The following FCRL1 variants were observed in gnomAD, a reference collection of about 807,000 sequenced individuals.
The protein encoded by FCRL1 is Fc receptor like 1, also known as Fc receptor-like protein 1.
A neutral mutation model predicts 49.2 loss-of-function variants in FCRL1; 34 were observed. That is an observed-to-expected ratio of 0.69 (90% CI 0.53 to 0.92). The LOEUF (loss-of-function observed/expected upper bound fraction) is 0.92. FCRL1 is among the 40% of genes least tolerant of loss of function. The pLI is 0.00. For synonymous variants in FCRL1, 218 were observed against 201.6 expected (o/e 1.08, Z -0.69); for missense variants, 524 against 524.1 (o/e 1.00, Z 0.00).
intron 5 of FCRL1, 48 bp downstream of exon 5, chr1:157,801,867 G>T (rs377635618): frequency 5.9e-5 from 92 of 1,560,854 alleles, no homozygotes; most frequent in Non-Finnish European, 7.9e-5. Context: ...CTCCCAGGAC[G>T]CTGGGAAGGA....
At position 157,804,252 on chromosome 1, in the gene FCRL1, C is replaced by A. The variant is rs539937896; in HGVS notation, c.53-141G>T. The A allele has an allele frequency of 6.1e-5, 57 of 940,768 alleles. 1 individual carries two copies. Among genetic ancestry groups the A allele is most frequent in the East Asian group, 2.1e-4 (8 of 37,934 alleles). The allele number at this position is 940,768 out of a possible 1,614,324, so 58.3% of individuals were successfully genotyped here. Reference sequence around the variant, plus strand: ...GGCCACCCTACATGTCTCCACCCCCCCCCCAGTGGCCCATGGGCTTTCCTT... The same window carrying A: ...GGCCACCCTACATGTCTCCACCCCCACCCCAGTGGCCCATGGGCTTTCCTT... On this transcript the variant is annotated intron_variant, in intron 2 of 10. Transcript: ENST00000368176.
chr1:157,802,716 A>G (rs1371469266), intron 3 of FCRL1, 52 bp from the exon 4 acceptor site: 2 of 1,549,488 alleles, frequency 1.3e-6, no homozygotes, highest in African/African-American at 2.7e-5. Context: ...AGAGTTTCAA[A>G]GACAGTAAGT....
chr1:157,801,401 GC>G, intron 6 of FCRL1, 59 bp downstream of exon 6: 3 of 1,075,982 alleles, frequency 2.8e-6, no homozygotes, highest in Non-Finnish European at 4.3e-6. Context: ...CACAATTTCA[GC>G]CTATTTCAGT....
At chr1:157,797,784 T>A (rs775828673) in intron 9 of FCRL1, 84 bp downstream of exon 9, 1 of 1,610,292 alleles carries the variant, frequency 6.2e-7, no homozygotes, top group Non-Finnish European at 8.5e-7. Context: ...GGAATGCTGT[T>A]GTCTGCCATG....
In FCRL1 at chr1:157,802,213, G is replaced by A; in HGVS notation, c.608-20C>T. 6.2e-7 allele frequency: 1 copy of A among 1,604,732 alleles called. No individual in the cohort carries two copies. ...CCGGGACTGAGGGAGACAGTAGACTGTAAGAGACAGTCTCTGACAATGCAG... is the reference window on the plus strand; with the variant it reads ...CCGGGACTGAGGGAGACAGTAGACTATAAGAGACAGTCTCTGACAATGCAG... On this transcript the variant is annotated intron_variant, in intron 4 of 10. Transcript: ENST00000368176.
intron 3 of FCRL1, among the ~76,000 whole-genome samples, 156 bp downstream of exon 3, chr1:157,803,689 G>A (rs1311276120): frequency 6.6e-6 from 1 of 152,200 alleles, no homozygotes; most frequent in East Asian, 1.9e-4. Context: ...GTGAATAAGG[G>A]AAGATCCCTT....
intron 3 of FCRL1, among the ~76,000 whole-genome samples, chr1:157,803,403 T>C (rs1259215072): frequency 2.6e-5 from 4 of 152,208 alleles, no homozygotes; most frequent in Non-Finnish European, 5.9e-5. Context: ...TGCCCTTCCA[T>C]AAGCCCTGCT....
intron 1 of FCRL1, among the ~76,000 whole-genome samples, chr1:157,811,945 G>T (rs1173367336): frequency 6.6e-6 from 1 of 152,138 alleles, no homozygotes; most frequent in Non-Finnish European, 1.5e-5. Flanking sequence ...ATGACACTCT[G>T]CCCTGCCAAG....
At chr1:157,796,213 A>T (rs1479826955) in intron 10 of FCRL1, 43 bp from the exon 11 acceptor site, 1 of 1,487,440 alleles carries the variant, frequency 6.7e-7, no homozygotes, top group Non-Finnish European at 9.4e-7. Flanking sequence ...GACAAGCAGA[A>T]CATGCCTCCA....
chr1:157,806,724 CT>C (rs59438211), intron 2 of FCRL1: 11,892 of 180,330 alleles, frequency 0.066, 1,487 homozygotes, highest in African/African-American at 0.26. Context: ...AGAAGCACAA[CT>C]GGGAATTGGA....
At position 157,795,713 on chromosome 1, in the gene FCRL1, T is replaced by A. The variant is rs940793809; in HGVS notation, c.*386A>T. The A allele has an allele frequency of 5.9e-6, 1 of 169,912 alleles. No individual in the cohort carries two copies. The highest frequency in any genetic ancestry group is 1.3e-5 in the Non-Finnish European group (1 of 78,220). The allele number at this position is 169,912 out of a possible 1,614,324, so 10.5% of individuals were successfully genotyped here. ...GGACTGAATGATGGGCACAGCTCTC[T>A]CTGTGAAGTCCTGCAGAGTCACTAA... On this transcript the variant is annotated 3_prime_UTR_variant, in exon 11 of 11. Coordinates refer to ENST00000368176, the MANE Select transcript of FCRL1 (RefSeq NM_052938.5).
rs527843328 is a variant in FCRL1, at chr1:157,796,274, G to A, written c.1219-104C>T. On this transcript the variant is annotated intron_variant, in intron 10 of 10. Transcript: ENST00000368176. ...GATGCATCTTATCATGGCACATCAC[G>A]CAATGCAAAAATAAGGGCCTCTTGG... 1.1e-4 allele frequency: 99 copies of A among 919,580 alleles called. 1 individual carries two copies. In the South Asian group the frequency reaches 1.2e-3, roughly 11 times the overall value. 57.0% of individuals were successfully genotyped at this position (919,580 alleles called of 1,614,324 possible).
chr1:157,813,772 G>A lies in FCRL1; in HGVS notation c.31+6235C>T, dbSNP rs527396686. On this transcript the variant is annotated intron_variant, in intron 1 of 10. Transcript: ENST00000368176. ...TCCCCAAATAGATTTAACCTGAAGA[G>A]GTCCTCTCCAAGGTCATTATAATCA... Among the ~76,000 whole-genome samples, 8 of 152,180 alleles carry A rather than the reference G, an allele frequency of 5.3e-5. No individual in the cohort carries two copies. In the South Asian group the frequency reaches 1.0e-3, roughly 20 times the overall value.
At position 157,797,131 on chromosome 1, in the gene FCRL1, T is replaced by C. The variant is rs1427143944; in HGVS notation, c.1188A>G (p.Ala396=). ...YNQPEQESVA[A]ETLGTHMEDK... is the part of the protein sequence containing the mutation. ...CCTCCATATGTGTCCCCAGGGTTTC[T>C]GCTGTGGAGAAAAGACAAGTGCTGT... is the stretch of plus-strand genomic sequence containing the variant. The change falls in exon 10 of 11, where the codon GCA becomes GCG. Residue 396 remains alanine (A), a splice_region_variant and synonymous_variant. Transcript: ENST00000368176. 1 of 1,613,988 alleles carries C rather than the reference T, an allele frequency of 6.2e-7. No individual in the cohort carries two copies. Among genetic ancestry groups the C allele is most frequent in the Non-Finnish European group, 8.5e-7 (1 of 1,179,838 alleles).
In FCRL1 at chr1:157,804,246, A is replaced by ACCCC. The variant is rs58174605; in HGVS notation, c.53-139_53-136dup. ...CACACAGGCCACCCTACATGTCTCC[A>ACCCC]CCCCCCCCCCAGTGGCCCATGGGCT... On this transcript the variant is annotated intron_variant, in intron 2 of 10. Coordinates refer to ENST00000368176, the MANE Select transcript of FCRL1 (RefSeq NM_052938.5). The ACCCC allele has an allele frequency of 1.6e-4, 123 of 750,726 alleles. 3 individuals are homozygous for ACCCC. The African/African-American group carries it at 2.1e-3, about 13-fold the overall frequency. 46.5% of individuals were successfully genotyped at this position (750,726 alleles called of 1,614,324 possible). A position where few individuals can be genotyped will look rare whatever the true frequency, so the allele number is the denominator to read the frequency against.
intron 1 of FCRL1, among the ~76,000 whole-genome samples, chr1:157,818,659 T>C (rs1571430121): frequency 1.3e-5 from 2 of 151,928 alleles, no homozygotes; most frequent in Middle Eastern, 6.8e-3. Flanking sequence ...AGGTGAGGCG[T>C]TGGAAAAAAA....
intron 1 of FCRL1, among the ~76,000 whole-genome samples, chr1:157,810,068 G>A (rs1249219440): frequency 6.6e-6 from 1 of 152,134 alleles, no homozygotes; most frequent in Non-Finnish European, 1.5e-5. Flanking sequence ...GAGAAATTGA[G>A]TAAAATAAAA....
intron 9 of FCRL1, among the ~76,000 whole-genome samples, chr1:157,797,337 A>T (rs1206765848): frequency 6.6e-6 from 1 of 152,158 alleles, no homozygotes; most frequent in African/African-American, 2.4e-5. Flanking sequence ...TGGGAGGGTA[A>T]GTAGACCCTC....
intron 1 of FCRL1, among the ~76,000 whole-genome samples, chr1:157,818,667 A>C (rs1484299689): frequency 6.6e-6 from 1 of 152,114 alleles, no homozygotes; most frequent in Non-Finnish European, 1.5e-5. Context: ...CGTTGGAAAA[A>C]AAATTGGGGA....
Sources: allele counts gnomAD v4.1 joint callset (sites outside exome capture counted in the v4.1 genomes callset), GRCh38; gene constraint gnomAD v4.1.1; transcripts MANE v1.5; gene names NCBI Gene and HGNC (gene_info 2026-07-23, HGNC 2026-07-21).